LRRC75A: variants seen among roughly 807,000 people sequenced by gnomAD.
LRRC75A encodes the protein leucine-rich repeat-containing protein 75A.
In LRRC75A, 12 loss-of-function variants were observed where a neutral mutation model predicts 26.0. The observed-to-expected ratio is 0.46, with a 90% CI of 0.30 to 0.75. LRRC75A has a LOEUF of 0.75. LRRC75A is among the 30% of genes least tolerant of loss of function. The probability of loss-of-function intolerance (pLI) is 0.08; values close to 1 mark genes in which losing one functional copy is unlikely to be tolerated. For synonymous variants in LRRC75A, 223 were observed against 219.3 expected (o/e 1.02, Z -0.15); for missense variants, 410 against 486.6 (o/e 0.84, Z 1.48).
intron 1 of LRRC75A, among the ~76,000 whole-genome samples, chr17:16,475,575 A>G (rs2143371711): frequency 6.6e-6 from 1 of 152,288 alleles, no homozygotes; most frequent in Middle Eastern, 3.4e-3. Context: ...TGCTTTTGAG[A>G]CAGAGTCTCT....
chr17:16,447,954 C>T lies in LRRC75A; in HGVS notation c.382G>A (p.Asp128Asn), dbSNP rs1380154787. The T allele has an allele frequency of 1.5e-5, 23 of 1,550,846 alleles. No individual in the cohort carries two copies. The highest frequency in any genetic ancestry group is 2.7e-5 in the African/African-American group (2 of 73,008). Residue 128 changes from aspartate to asparagine, a missense_variant, in exon 3 of 4, where the codon GAT (aspartate) becomes AAT (asparagine). Transcript: ENST00000470794. Reference sequence around the variant, plus strand: ...AGCTTCTCCATGGCGCCCAGTGCATCGCCTTCCTGCAGAGGCAACCATGGG... The same window carrying T: ...AGCTTCTCCATGGCGCCCAGTGCATTGCCTTCCTGCAGAGGCAACCATGGG... ...RYIHCPKPEG[D>N]ALGAMEKLCR...
intron 2 of LRRC75A, among the ~76,000 whole-genome samples, chr17:16,456,289 G>T (rs2093681619): frequency 7.2e-6 from 1 of 138,568 alleles, no homozygotes; most frequent in Non-Finnish European, 1.6e-5. Context: ...AGAGGAGGAG[G>T]AAGAGAAGGA....
At chr17:16,459,025 T>A (rs954667709) in intron 2 of LRRC75A, among the ~76,000 whole-genome samples, 1 of 152,234 alleles carries the variant, frequency 6.6e-6, no homozygotes, top group African/African-American at 2.4e-5. Flanking sequence ...GTGAAACAAC[T>A]TCCTACTACT....
At chr17:16,444,433 G>T (rs1319017893) in intron 3 of LRRC75A, among the ~76,000 whole-genome samples, 1 of 152,202 alleles carries the variant, frequency 6.6e-6, no homozygotes, top group Non-Finnish European at 1.5e-5. Context: ...GTTCATAAGT[G>T]CAAAATGGTG....
chr17:16,474,592 C>G (rs568663708), intron 1 of LRRC75A, among the ~76,000 whole-genome samples: 3 of 152,112 alleles, frequency 2.0e-5, no homozygotes, highest in East Asian at 1.9e-4. Flanking sequence ...CTCCTAATCT[C>G]TCTGCTTGGG....
chr17:16,463,970 AAG>A (rs1414346698), intron 1 of LRRC75A: 4 of 152,226 alleles, frequency 2.6e-5, no homozygotes, highest in African/African-American at 7.2e-5. Context: ...CAAGCAAAAA[AAG>A]AGTCTTTGCT....
intron 2 of LRRC75A, among the ~76,000 whole-genome samples, chr17:16,455,527 C>T (rs7217211): frequency 0.2 from 31,137 of 151,930 alleles, 3,644 homozygotes; most frequent in Middle Eastern, 0.29. Context: ...TACAGGCACC[C>T]GCCATCCATG....
rs77572682 is a variant in LRRC75A, at chr17:16,470,058, C to G, written c.247-7672G>C. ...TCTTGGCCCTGCTCCATGTGTCTAG[C>G]AGTGAGGAGGCTCCTCTCAGACTGC... On this transcript the variant is annotated intron_variant, in intron 1 of 3. Coordinates refer to ENST00000470794, the MANE Select transcript of LRRC75A (RefSeq NM_001113567.3). 6.5e-3 allele frequency among the ~76,000 whole-genome samples: 991 copies of G among 152,260 alleles called. 9 individuals are homozygous for G. Among genetic ancestry groups the G allele is most frequent in the African/African-American group, 0.022 (930 of 41,552 alleles).
At position 16,463,421 on chromosome 17, in the gene LRRC75A, C is replaced by A. The variant is rs188772755; in HGVS notation, c.247-1035G>T. Reference sequence around the variant, plus strand: ...ACCCTAGCTTGGTGCCCTGCACAGACCAGGCAATGCTGACATTCCCATCCG... The same window carrying A: ...ACCCTAGCTTGGTGCCCTGCACAGAACAGGCAATGCTGACATTCCCATCCG... On this transcript the variant is annotated intron_variant, in intron 1 of 3. Transcript: ENST00000470794. 2.0e-5 allele frequency: 3 copies of A among 152,380 alleles called. No individual in the cohort carries two copies. The East Asian group carries it at 5.8e-4, about 30-fold the overall frequency. 9.4% of individuals were successfully genotyped at this position (152,380 alleles called of 1,614,324 possible).
At chr17:16,458,445 C>T (rs1014171661) in intron 2 of LRRC75A, among the ~76,000 whole-genome samples, 14 of 151,992 alleles carry the variant, frequency 9.2e-5, no homozygotes, top group African/African-American at 1.4e-4. Context: ...GCGAGTGTGC[C>T]GCCTTGGAAG....
chr17:16,455,399 A>T (rs963964036), intron 2 of LRRC75A, among the ~76,000 whole-genome samples: 5 of 136,378 alleles, frequency 3.7e-5, no homozygotes, highest in African/African-American at 5.5e-5. Flanking sequence ...TTTTTTTTTT[A>T]GACGGAGTCT....
intron 2 of LRRC75A, among the ~76,000 whole-genome samples, chr17:16,459,517 G>A (rs2143072240): frequency 1.3e-5 from 2 of 152,316 alleles, no homozygotes; most frequent in South Asian, 4.1e-4. Context: ...GAGCTCGCAG[G>A]GTGGCAAGTG....
chr17:16,490,351 T>A (rs1432838985), intron 1 of LRRC75A, among the ~76,000 whole-genome samples: 1 of 152,164 alleles, frequency 6.6e-6, no homozygotes, highest in East Asian at 1.9e-4. Context: ...TATGTCAGCT[T>A]CCAATTTTCA....
intron 3 of LRRC75A, 28 bp downstream of exon 3, chr17:16,447,817 T>C (rs1478859725): frequency 2.5e-5 from 37 of 1,491,848 alleles, no homozygotes; most frequent in South Asian, 2.2e-4. Flanking sequence ...CAGCCTGGCA[T>C]AGACCTGCCC....
chr17:16,483,471 G>GACC (rs1445178172), intron 1 of LRRC75A, among the ~76,000 whole-genome samples: 6 of 152,206 alleles, frequency 3.9e-5, no homozygotes, highest in Non-Finnish European at 7.3e-5. Flanking sequence ...CTGAGGCCAA[G>GACC]GTGGGTGACC....
At chr17:16,471,915 A>G (rs934296998) in intron 1 of LRRC75A, among the ~76,000 whole-genome samples, 2 of 152,074 alleles carry the variant, frequency 1.3e-5, no homozygotes, top group African/African-American at 4.8e-5. Flanking sequence ...GGGACTGGGG[A>G]AGGGGGAATT....
chr17:16,482,012 C>G (rs1452292993), intron 1 of LRRC75A, among the ~76,000 whole-genome samples: 1 of 152,152 alleles, frequency 6.6e-6, no homozygotes, highest in Non-Finnish European at 1.5e-5. Flanking sequence ...ACTGGGCGGT[C>G]TAGGTCCAGG....
chr17:16,463,706 A>G (rs1477609419), intron 1 of LRRC75A: 2 of 152,224 alleles, frequency 1.3e-5, no homozygotes, highest in African/African-American at 2.4e-5. Flanking sequence ...TACCTTCCCC[A>G]CATGATTCTT....
chr17:16,476,086 T>C (rs1025187386), intron 1 of LRRC75A, among the ~76,000 whole-genome samples: 1 of 152,154 alleles, frequency 6.6e-6, no homozygotes, highest in South Asian at 2.1e-4. Context: ...TCCCAGCTAC[T>C]TGGGAGGCTG....
Sources: gnomAD v4.1 joint callset for allele counts (sites outside exome capture counted in the v4.1 genomes callset) on GRCh38, gnomAD v4.1.1 for gene constraint, MANE v1.5 for transcripts, NCBI Gene and HGNC (gene_info 2026-07-23, HGNC 2026-07-21) for gene names.